Variants in NUP188 observed in about 807,000 individuals in gnomAD.
The protein encoded by NUP188 is nucleoporin NUP188.
A neutral mutation model predicts 223.0 loss-of-function variants in NUP188; 97 were observed. The observed-to-expected ratio is 0.43, with a 90% CI of 0.37 to 0.51. NUP188 has a LOEUF of 0.51. Ranked by LOEUF, NUP188 falls within the 20% of genes least tolerant of loss-of-function variation. The pLI, the probability that NUP188 is intolerant of heterozygous loss-of-function variation, is 0.00. For synonymous variants in NUP188, 869 were observed against 828.0 expected, an observed-to-expected ratio of 1.05 and a Z score of -0.85; for missense variants, 1,947 against 2,175.6, an observed-to-expected ratio of 0.89 and a Z score of 2.09.
At chr9:128,955,306 G>A (rs1013623214) in intron 3 of NUP188, among the ~76,000 whole-genome samples, 1 of 152,110 alleles carries the variant, frequency 6.6e-6, no homozygotes, top group African/African-American at 2.4e-5. Context: ...TTTTTTGGAA[G>A]TGAGTACTAA....
At chr9:128,956,116 CTTTTT>C (rs923240795) in intron 3 of NUP188, among the ~76,000 whole-genome samples, 2 of 148,930 alleles carry the variant, frequency 1.3e-5, no homozygotes, top group African/African-American at 2.5e-5. Context: ...AATTTAACCA[CTTTTT>C]TTTTGTTTTG....
In NUP188 at chr9:128,993,222, G is replaced by C. The variant is rs757751775; in HGVS notation, c.2666G>C (p.Cys889Ser). The change falls in exon 26 of 44, where the codon TGT (cysteine) becomes TCT (serine). Residue 889 changes from cysteine to serine, a missense_variant. Cys to Ser is a moderately radical substitution (Grantham distance 112). This residue lies in a region of NUP188 where 225 missense variants were observed against 319.1 expected (regional missense o/e 0.71). Transcript: ENST00000372577. ...ATVAPMSVYACLGNDAAAIRD... is the reference protein window; with the variant it reads ...ATVAPMSVYASLGNDAAAIRD... ...GTGGCCCCAATGTCAGTGTATGCTTGTCTGGGCAATGATGCGGCTGCCATT... is the reference window on the plus strand; with the variant it reads ...GTGGCCCCAATGTCAGTGTATGCTTCTCTGGGCAATGATGCGGCTGCCATT... 1 of 1,614,176 alleles carries C rather than the reference G, an allele frequency of 6.2e-7. No individual in the cohort carries two copies. The highest frequency in any genetic ancestry group is 8.5e-7 in the Non-Finnish European group (1 of 1,180,016).
Position 128,999,254 on chromosome 9 carries a change from G to A in NUP188, c.3598G>A (p.Glu1200Lys), listed in dbSNP as rs1323710574. The change falls in exon 33 of 44, where the codon GAG becomes AAG. Residue 1200 changes from glutamate to lysine, a missense_variant. By Grantham distance (56) the Glu-to-Lys change is moderately conservative. This residue lies in a region of NUP188 where 905 missense variants were observed against 990.6 expected (regional missense o/e 0.91). Transcript: ENST00000372577. ...GCTGCAGGCCGACCAGCAACTCATG[G>A]AGAAGACCAAGGCCAAGGTGTTCTC... ...GVLQADQQLM[E>K]KTKAKVFSAF... 10 of 1,614,066 alleles carry A rather than the reference G, an allele frequency of 6.2e-6. No homozygotes were observed. Among genetic ancestry groups the A allele is most frequent in the Admixed American group, 3.3e-5 (2 of 60,000 alleles).
chr9:128,992,827 C>G (rs759883341), intron 25 of NUP188, among the ~76,000 whole-genome samples: 2 of 152,052 alleles, frequency 1.3e-5, no homozygotes, highest in Non-Finnish European at 2.9e-5. Context: ...TAGATATTTC[C>G]AAATTACCTT....
In NUP188 at chr9:128,986,841, C is replaced by T; in HGVS notation, c.2230C>T (p.Leu744=). The stretch of plus-strand genomic sequence containing the variant: ...GATCTTGGAGCTGATTCATGCGATA[C>T]TGAACCTGTGCCACGAGACAGACCT... The part of the protein sequence containing the change: ...CLILELIHAI[L]NLCHETDLHS... Residue 744 remains leucine, a synonymous_variant, in exon 22 of 44, where the codon CTG becomes TTG. Transcript: ENST00000372577. The T allele has an allele frequency of 5.0e-6, 8 of 1,614,148 alleles. No individual in the cohort carries two copies. Among genetic ancestry groups the T allele is most frequent in the Middle Eastern group, 1.7e-4 (1 of 6,058 alleles).
chr9:128,982,997 A>C lies in NUP188; in HGVS notation c.1765A>C (p.Ile589Leu), dbSNP rs1842278485. ...DLSIADCLLPITSRIYMLLQR... is the reference protein window; with the variant it reads ...DLSIADCLLPLTSRIYMLLQR... Reference sequence around the variant, plus strand: ...GTCGATAGCAGACTGTCTCCTGCCCATCACATCTCGCATCTACATGCTGCT... The same window carrying C: ...GTCGATAGCAGACTGTCTCCTGCCCCTCACATCTCGCATCTACATGCTGCT... Residue 589 changes from isoleucine (I) to leucine (L), a missense_variant, in exon 17 of 44, where the codon ATC becomes CTC. Coordinates refer to ENST00000372577, the MANE Select transcript of NUP188 (RefSeq NM_015354.3). 6.2e-7 allele frequency: 1 copy of C among 1,614,036 alleles called. No homozygotes were observed. The highest frequency in any genetic ancestry group is 1.1e-5 in the South Asian group (1 of 91,090).
At chr9:128,991,849 AT>A (rs570365990) in intron 25 of NUP188, among the ~76,000 whole-genome samples, 50 of 147,368 alleles carry the variant, frequency 3.4e-4, no homozygotes, top group African/African-American at 9.9e-4. Flanking sequence ...AAAAAAAAGT[AT>A]TTGAGTGTGT....
chr9:128,983,457 T>C lies in NUP188; in HGVS notation c.1885-17T>C, dbSNP rs1423283247. On this transcript the variant is annotated splice_polypyrimidine_tract_variant and intron_variant, in intron 18 of 43. Transcript: ENST00000372577. ...CTGAAGATATGTGGGCATTTAACTC[T>C]TCCTTTTCCTTCTCAGGTCTGGACT... is the stretch of plus-strand genomic sequence containing the variant. 1 of 1,613,790 alleles carries C rather than the reference T, an allele frequency of 6.2e-7. No individual in the cohort carries two copies. The highest frequency in any genetic ancestry group is 1.7e-5 in the Admixed American group (1 of 60,012).
intron 30 of NUP188, among the ~76,000 whole-genome samples, chr9:128,997,437 A>AT (rs975498381): frequency 8.5e-5 from 13 of 152,318 alleles, no homozygotes; most frequent in African/African-American, 3.1e-4. Context: ...CCTGGGCTTG[A>AT]TTCTGACCAT....
At chr9:128,956,469 T>C (rs1310259023) in intron 4 of NUP188, 35 bp downstream of exon 4, 1 of 1,156,716 alleles carries the variant, frequency 8.6e-7, no homozygotes, top group Non-Finnish European at 1.3e-6. Flanking sequence ...AATTTATTAC[T>C]TGCAGTGTGG....
At chr9:128,956,841 C>T (rs1841878136) in intron 4 of NUP188, 111 bp from the exon 5 acceptor site, 3 of 669,354 alleles carry the variant, frequency 4.5e-6, no homozygotes, top group Admixed American at 6.0e-5. Context: ...CTTTGAGAAG[C>T]ATTTTTGTTT....
chr9:128,984,818 T>C (rs1842309208), intron 19 of NUP188, 82 bp from the exon 20 acceptor site: 1 of 883,474 alleles, frequency 1.1e-6, no homozygotes, highest in East Asian at 2.5e-5. Context: ...TCATCTAGAC[T>C]ATAACAAGAA....
chr9:128,975,509 A>G (rs1842163628), intron 12 of NUP188, among the ~76,000 whole-genome samples: 1 of 151,430 alleles, frequency 6.6e-6, no homozygotes, highest in Admixed American at 6.6e-5. Context: ...GGCGTGAGCC[A>G]CCGCGCCTGG....
At chr9:129,004,175 C>T (rs966354322) in intron 38 of NUP188, among the ~76,000 whole-genome samples, 8 of 148,190 alleles carry the variant, frequency 5.4e-5, no homozygotes, top group African/African-American at 2.0e-4. Flanking sequence ...TACTCAGGAT[C>T]GGGAGGCTGA....
At chr9:129,003,512 G>A in intron 38 of NUP188, 58 bp downstream of exon 38, 1 of 1,584,044 alleles carries the variant, frequency 6.3e-7, no homozygotes, top group Non-Finnish European at 8.6e-7. Context: ...CAGGGAGGCT[G>A]TGAGGTCTCA....
chr9:128,974,931 G>A (rs1012546836), intron 12 of NUP188, among the ~76,000 whole-genome samples: 3 of 151,738 alleles, frequency 2.0e-5, no homozygotes, highest in Non-Finnish European at 1.5e-5. Context: ...GCTAATTTTT[G>A]TGTTTTTCTT....
At chr9:128,998,058 A>G (rs1361087070) in intron 30 of NUP188, 93 bp from the exon 31 acceptor site, 2 of 868,116 alleles carry the variant, frequency 2.3e-6, no homozygotes, top group South Asian at 2.7e-5. Flanking sequence ...CTGTTTTACC[A>G]ATGACTAATT....
At chr9:128,973,306 C>A in intron 12 of NUP188, 57 bp downstream of exon 12, 1 of 1,122,616 alleles carries the variant, frequency 8.9e-7, no homozygotes, top group Non-Finnish European at 1.3e-6. Flanking sequence ...AATCAAGTCC[C>A]AAAAATATAC....
rs188939611 is a variant in NUP188, at chr9:129,005,763, A to G, written c.4856A>G (p.Asn1619Ser). 1.7e-5 allele frequency: 28 copies of G among 1,611,734 alleles called. No homozygotes were observed. The East Asian group carries it at 2.5e-4, about 14-fold the overall frequency. ...TLLATVNVAL[N>S]MLGELDKKKE... The stretch of plus-strand genomic sequence containing the variant: ...CTGGCCACAGTGAATGTGGCCCTCA[A>G]CATGCTTGGAGAGGTAAGTTGGTTC... Residue 1619 changes from asparagine to serine, a missense_variant, in exon 41 of 44, where the codon AAC (asparagine) becomes AGC (serine). By Grantham distance (46) the Asn-to-Ser change is conservative. Around this residue, in one of 3 missense-constraint regions of NUP188, gnomAD observed 905 missense variants for 990.6 expected, o/e 0.91. Coordinates refer to ENST00000372577, the MANE Select transcript of NUP188 (RefSeq NM_015354.3).
Sources: allele counts gnomAD v4.1 joint callset (sites outside exome capture counted in the v4.1 genomes callset), GRCh38; gene constraint gnomAD v4.1.1; regional missense constraint gnomAD v4.1.1; transcripts MANE v1.5; gene names NCBI Gene and HGNC (gene_info 2026-07-23, HGNC 2026-07-21).